PSTPIP1: variants seen among roughly 807,000 people sequenced by gnomAD.
The protein encoded by PSTPIP1 is proline-serine-threonine phosphatase interacting protein 1.
PSTPIP1 carries 66 observed loss-of-function variants against 69.6 expected under a neutral mutation model. The observed-to-expected ratio is 0.95, with a 90% CI of 0.78 to 1.16. The LOEUF (loss-of-function observed/expected upper bound fraction) is 1.16. Ranked by LOEUF, PSTPIP1 falls within the 50% of genes most tolerant of loss-of-function variation. The pLI, the probability that PSTPIP1 is intolerant of heterozygous loss-of-function variation, is 0.00. For missense variants in PSTPIP1, 603 were observed against 557.4 expected (o/e 1.08, Z -0.82); for synonymous variants, 266 against 222.7 (o/e 1.19, Z -1.73).
chr15:77,000,476 TACACAC>T (rs893354130), intron 1 of PSTPIP1, among the ~76,000 whole-genome samples: 4 of 146,884 alleles, frequency 2.7e-5, no homozygotes, highest in African/African-American at 7.7e-5. Context: ...TATATATATA[TACACAC>T]ACACACACAC....
In PSTPIP1 at chr15:77,027,630, G is replaced by A. The variant is rs956771769; in HGVS notation, c.355-222G>A. On this transcript the variant is annotated intron_variant, in intron 5 of 14. Coordinates refer to ENST00000558012, the MANE Select transcript of PSTPIP1 (RefSeq NM_003978.5). The surrounding 1 kb of genome is among the most constrained non-coding windows in gnomAD (Gnocchi z 4.3). ...GACGAAGCTCTGGCCAAGGTCTGCA[G>A]CAAGGACCTCACGGCACACCCATGC... 1.2e-5 allele frequency: 7 copies of A among 591,976 alleles called. No individual in the cohort carries two copies. In the Admixed American group the frequency reaches 1.6e-4, roughly 14 times the overall value. The allele number at this position is 591,976 out of a possible 1,614,324, so 36.7% of individuals were successfully genotyped here.
At chr15:77,026,289 G>T (rs1349566250) in intron 5 of PSTPIP1, 2 of 440,984 alleles carry the variant, frequency 4.5e-6, no homozygotes, top group African/African-American at 4.0e-5. Context: ...GCTTGGGCCT[G>T]TGAGGATGGG....
At chr15:77,002,037 T>C (rs2075720179) in intron 1 of PSTPIP1, among the ~76,000 whole-genome samples, 1 of 152,260 alleles carries the variant, frequency 6.6e-6, no homozygotes, top group South Asian at 2.1e-4. Flanking sequence ...GAAGAATTTT[T>C]CCCTGAATCC....
chr15:77,014,138 T>C (rs1314827446), intron 1 of PSTPIP1, among the ~76,000 whole-genome samples: 4 of 152,112 alleles, frequency 2.6e-5, no homozygotes. Flanking sequence ...GCTTGGGATA[T>C]CTGGGTTATA....
At chr15:77,019,967 A>C (rs1401063864) in intron 3 of PSTPIP1, among the ~76,000 whole-genome samples, 10 of 152,088 alleles carry the variant, frequency 6.6e-5, no homozygotes, top group Non-Finnish European at 1.5e-4. Flanking sequence ...CCAGAAAGAG[A>C]GGGTACCTCA....
At chr15:76,997,162 G>A (rs2075598724) in intron 1 of PSTPIP1, among the ~76,000 whole-genome samples, 1 of 152,230 alleles carries the variant, frequency 6.6e-6, no homozygotes, top group South Asian at 2.1e-4. Context: ...CCCCTGTGGA[G>A]CTTCCTGAGC....
chr15:77,001,700 TC>T (rs34224655), intron 1 of PSTPIP1, among the ~76,000 whole-genome samples: 6 of 152,296 alleles, frequency 3.9e-5, no homozygotes, highest in African/African-American at 1.4e-4. Flanking sequence ...GACCTGGTGT[TC>T]CCTGTAAAAA....
Position 76,995,395 on chromosome 15 carries a change from C to G in PSTPIP1, c.-179C>G. 6.9e-7 allele frequency: 1 copy of G among 1,448,940 alleles called. No individual in the cohort carries two copies. Among genetic ancestry groups the G allele is most frequent in the South Asian group, 1.4e-5 (1 of 69,126 alleles). 89.8% of individuals were successfully genotyped at this position (1,448,940 alleles called of 1,614,324 possible). A position where few individuals can be genotyped will look rare whatever the true frequency, so the allele number is the denominator to read the frequency against. Reference sequence around the variant, plus strand: ...CAAACAAAACAGGTTGAGCTTTTTCCTCCCCTCAGAAGCTCCTCTCTGGCT... The same window carrying G: ...CAAACAAAACAGGTTGAGCTTTTTCGTCCCCTCAGAAGCTCCTCTCTGGCT... On this transcript the variant is annotated 5_prime_UTR_variant, in exon 1 of 15. Coordinates refer to ENST00000558012, the MANE Select transcript of PSTPIP1 (RefSeq NM_003978.5).
chr15:77,003,665 AAAAG>A lies in PSTPIP1; in HGVS notation c.36+8059_36+8062del, dbSNP rs370766237. Among the ~76,000 whole-genome samples, 431 of 152,122 alleles carry A rather than the reference AAAAG, an allele frequency of 2.8e-3. 1 individual carries two copies. Among genetic ancestry groups the A allele is most frequent in the Non-Finnish European group, 3.7e-3 (253 of 67,960 alleles). On this transcript the variant is annotated intron_variant, in intron 1 of 14. Transcript: ENST00000558012. The stretch of plus-strand genomic sequence containing the variant: ...AACGAAACTCCGTCTCAAAAAAAAA[AAAAG>A]AAGAAGAAGGAAGCGGGCTTCTTTG...
intron 1 of PSTPIP1, among the ~76,000 whole-genome samples, chr15:77,016,713 T>G (rs1240653472): frequency 6.6e-6 from 1 of 151,716 alleles, no homozygotes; most frequent in African/African-American, 2.4e-5. Flanking sequence ...GGGGCACTGT[T>G]GGGGCAATTT....
intron 1 of PSTPIP1, among the ~76,000 whole-genome samples, chr15:77,011,806 C>T (rs184256158): frequency 1.1e-4 from 17 of 152,188 alleles, no homozygotes; most frequent in African/African-American, 1.9e-4. Context: ...TAGTGATGGG[C>T]GCTCCTCACC....
At chr15:77,013,349 T>A (rs1189082951) in intron 1 of PSTPIP1, among the ~76,000 whole-genome samples, 1 of 152,162 alleles carries the variant, frequency 6.6e-6, no homozygotes, top group Non-Finnish European at 1.5e-5. Context: ...CAGGGTCAGT[T>A]TCCTCCCTTG....
chr15:77,004,720 C>CCA (rs2075781375), intron 1 of PSTPIP1, among the ~76,000 whole-genome samples: 1 of 150,958 alleles, frequency 6.6e-6, no homozygotes, highest in African/African-American at 2.4e-5. Context: ...ATTAGCTGTA[C>CCA]CTGGTGGTGC....
At chr15:76,996,831 C>G (rs772773568) in intron 1 of PSTPIP1, among the ~76,000 whole-genome samples, 1 of 152,118 alleles carries the variant, frequency 6.6e-6, no homozygotes, top group Non-Finnish European at 1.5e-5. Flanking sequence ...GACCAGGCAC[C>G]AGGATGCTCA....
chr15:77,015,742 G>A, intron 1 of PSTPIP1: 1 of 358,646 alleles, frequency 2.8e-6, no homozygotes, highest in South Asian at 2.1e-5. Flanking sequence ...GGGTGAAGGA[G>A]GAGGGCGCGG....
At chr15:77,017,409 C>A (rs2076072603) in intron 1 of PSTPIP1, among the ~76,000 whole-genome samples, 1 of 152,186 alleles carries the variant, frequency 6.6e-6, no homozygotes, top group African/African-American at 2.4e-5. Flanking sequence ...GTAGCTGTCC[C>A]TGGAGAGTTC....
chr15:76,997,077 G>A (rs1049707639), intron 1 of PSTPIP1, among the ~76,000 whole-genome samples: 6 of 152,236 alleles, frequency 3.9e-5, no homozygotes, highest in African/African-American at 1.4e-4. Context: ...AGCCTCCATG[G>A]CAGGATCTGG....
chr15:77,006,026 G>C (rs911805232), intron 1 of PSTPIP1, among the ~76,000 whole-genome samples: 2 of 152,240 alleles, frequency 1.3e-5, no homozygotes, highest in Admixed American at 6.5e-5. Flanking sequence ...GGATCATATG[G>C]TAATCCTATG....
intron 1 of PSTPIP1, chr15:77,008,118 G>C: frequency 2.2e-6 from 1 of 453,928 alleles, no homozygotes; most frequent in Non-Finnish European, 4.4e-6. Context: ...GTCTGGATCA[G>C]TGTCCCTGGA....
Sources: gnomAD v4.1 joint callset for allele counts (sites outside exome capture counted in the v4.1 genomes callset) on GRCh38, gnomAD v4.1.1 for gene constraint, Gnocchi (gnomAD v3.1) non-coding constraint, MANE v1.5 for transcripts, NCBI Gene and HGNC (gene_info 2026-07-23, HGNC 2026-07-21) for gene names.